Variants in HSDL2 observed in about 807,000 individuals in gnomAD.
HSDL2 encodes the protein hydroxysteroid dehydrogenase like 2, also known as hydroxysteroid dehydrogenase-like protein 2.
Under a neutral mutation model 46.3 loss-of-function variants are expected in HSDL2, and 27 were observed. That is an observed-to-expected ratio of 0.58 (90% CI 0.43 to 0.80). HSDL2 has a LOEUF of 0.80. HSDL2 is among the 30% of genes least tolerant of loss of function. HSDL2 has a pLI of 0.00. For missense variants in HSDL2, 451 were observed against 502.7 expected (o/e 0.90, Z 0.98); for synonymous variants, 153 against 163.6 (o/e 0.94, Z 0.50).
chr9:112,459,203 C>A (rs143285138), intron 9 of HSDL2, among the ~76,000 whole-genome samples: 1 of 152,112 alleles, frequency 6.6e-6, no homozygotes, highest in Non-Finnish European at 1.5e-5. Context: ...TTAATGTGCT[C>A]CCACATCACC....
intron 1 of HSDL2, among the ~76,000 whole-genome samples, chr9:112,385,198 A>T (rs1393796242): frequency 6.6e-6 from 1 of 152,230 alleles, no homozygotes; most frequent in African/African-American, 2.4e-5. Flanking sequence ...TCACATACAT[A>T]GAGTGTTTTA....
chr9:112,403,961 G>A lies in HSDL2; in HGVS notation c.18-34G>A, dbSNP rs771754928. The A allele has an allele frequency of 8.2e-6, 13 of 1,590,546 alleles. No homozygotes were observed. The South Asian group carries it at 1.5e-4, about 18-fold the overall frequency. On this transcript the variant is annotated intron_variant, in intron 1 of 10. Coordinates refer to ENST00000398805, the MANE Select transcript of HSDL2 (RefSeq NM_032303.5). ...TACCTGTCAGTAAATAAAACATTGGGTCTTCTAATAAGGTCGTATTTGTTC... is the reference window on the plus strand; with the variant it reads ...TACCTGTCAGTAAATAAAACATTGGATCTTCTAATAAGGTCGTATTTGTTC...
chr9:112,410,964 G>T (rs1365238779), intron 4 of HSDL2, among the ~76,000 whole-genome samples: 8 of 152,140 alleles, frequency 5.3e-5, no homozygotes, highest in Non-Finnish European at 8.8e-5. Context: ...GAAAAAATTA[G>T]AAGATTTATA....
intron 4 of HSDL2, among the ~76,000 whole-genome samples, chr9:112,416,105 CA>C (rs35263826): frequency 0.31 from 41,306 of 131,860 alleles, 5,881 homozygotes; most frequent in Middle Eastern, 0.43. Flanking sequence ...GACTCCGTCT[CA>C]AAAAAAAAAA....
At chr9:112,467,878 T>G (rs1225052623) in intron 10 of HSDL2, among the ~76,000 whole-genome samples, 1 of 152,196 alleles carries the variant, frequency 6.6e-6, no homozygotes, top group Non-Finnish European at 1.5e-5. Context: ...TCCTAGAAAT[T>G]TAACTCTCTC....
In HSDL2 at chr9:112,463,064, G is replaced by A. The variant is rs182889572; in HGVS notation, c.1144+3487G>A. Among the ~76,000 whole-genome samples, 10 of 152,196 alleles carry A rather than the reference G, an allele frequency of 6.6e-5. No individual in the cohort carries two copies. In the East Asian group the frequency reaches 1.9e-3, roughly 29 times the overall value. On this transcript the variant is annotated intron_variant, in intron 10 of 10. Coordinates refer to ENST00000398805, the MANE Select transcript of HSDL2 (RefSeq NM_032303.5). ...TTTTATTGCTGAATAGTATTCCATT[G>A]TATGGATATACCACATGTTGTTTAT...
chr9:112,418,754 TATATC>T (rs1188445542), intron 5 of HSDL2, 101 bp from the exon 6 acceptor site: 4 of 487,554 alleles, frequency 8.2e-6, no homozygotes, highest in Non-Finnish European at 1.5e-5. Context: ...CATGCACACA[TATATC>T]AGGAAGAAAA....
chr9:112,440,157 GAC>G (rs1045006810), intron 7 of HSDL2, among the ~76,000 whole-genome samples: 8 of 152,104 alleles, frequency 5.3e-5, no homozygotes, highest in African/African-American at 1.9e-4. Flanking sequence ...AGGTTTTAAA[GAC>G]ACAGTGTAAT....
intron 10 of HSDL2, among the ~76,000 whole-genome samples, chr9:112,463,950 C>T (rs1162036673): frequency 6.6e-6 from 1 of 152,116 alleles, no homozygotes; most frequent in Non-Finnish European, 1.5e-5. Flanking sequence ...CATGAGCCAC[C>T]GTGCCCAGCC....
At chr9:112,431,852 A>G (rs1209165973) in intron 6 of HSDL2, among the ~76,000 whole-genome samples, 2 of 146,788 alleles carry the variant, frequency 1.4e-5, no homozygotes, top group Non-Finnish European at 3.0e-5. Flanking sequence ...TTTATAAATT[A>G]CCCAGTCTCA....
rs1833579291 is a variant in HSDL2, at chr9:112,471,672, ATAAAT to A, written c.*1132_*1136del. ...GTAAGACCCTATCTCTACCCCCCTA[ATAAAT>A]TAATTTAAAAAGCCCCCCAATCTGT... is the stretch of plus-strand genomic sequence containing the variant. On this transcript the variant is annotated 3_prime_UTR_variant, in exon 11 of 11. Transcript: ENST00000398805. The A allele has an allele frequency of 6.6e-6, 1 of 152,174 alleles. No homozygotes were observed. Among genetic ancestry groups the A allele is most frequent in the Admixed American group, 6.6e-5 (1 of 15,264 alleles). The allele number at this position is 152,174 out of a possible 1,614,324, so 9.4% of individuals were successfully genotyped here.
At chr9:112,402,442 C>T (rs1349921491) in intron 1 of HSDL2, among the ~76,000 whole-genome samples, 2 of 151,822 alleles carry the variant, frequency 1.3e-5, no homozygotes, top group South Asian at 4.2e-4. Context: ...CCTGTAGTCC[C>T]AGCTACTTGT....
intron 6 of HSDL2, among the ~76,000 whole-genome samples, chr9:112,425,773 G>A (rs1304187908): frequency 6.6e-6 from 1 of 152,098 alleles, no homozygotes; most frequent in Non-Finnish European, 1.5e-5. Flanking sequence ...TGTTACCCAG[G>A]CTGGAGTGCA....
intron 8 of HSDL2, among the ~76,000 whole-genome samples, chr9:112,446,029 T>C (rs1040264487): frequency 3.3e-5 from 5 of 152,208 alleles, no homozygotes; most frequent in African/African-American, 9.6e-5. Flanking sequence ...GTAGGTTTCA[T>C]GGTAAATTAG....
chr9:112,386,245 T>A (rs1182917741), intron 1 of HSDL2, among the ~76,000 whole-genome samples: 3 of 152,190 alleles, frequency 2.0e-5, no homozygotes, highest in African/African-American at 7.2e-5. Flanking sequence ...TATCTTTGAT[T>A]TTCCTATTTT....
chr9:112,393,066 C>A (rs909975559), intron 1 of HSDL2, among the ~76,000 whole-genome samples: 1 of 152,220 alleles, frequency 6.6e-6, no homozygotes, highest in South Asian at 2.1e-4. Context: ...ACGCAGGATT[C>A]GTTGACTGGT....
chr9:112,398,166 C>T (rs965072956), intron 1 of HSDL2, among the ~76,000 whole-genome samples: 2 of 151,954 alleles, frequency 1.3e-5, no homozygotes, highest in African/African-American at 2.4e-5. Flanking sequence ...ATTATTGGCT[C>T]AATCCTGTGC....
chr9:112,390,441 T>C (rs1831314997), intron 1 of HSDL2, among the ~76,000 whole-genome samples: 1 of 152,158 alleles, frequency 6.6e-6, no homozygotes, highest in Non-Finnish European at 1.5e-5. Flanking sequence ...TCCAGGTAGA[T>C]TAAAGACCAA....
At position 112,405,851 on chromosome 9, in the gene HSDL2, C is replaced by T. The variant is rs1242259415; in HGVS notation, c.280+129C>T. The T allele has an allele frequency of 6.4e-6, 4 of 622,278 alleles. No homozygotes were observed. In the East Asian group the frequency reaches 1.2e-4, roughly 18 times the overall value. The allele number at this position is 622,278 out of a possible 1,614,324, so 38.5% of individuals were successfully genotyped here. A position where few individuals can be genotyped will look rare whatever the true frequency, so the allele number is the denominator to read the frequency against. ...TTGGAGAAATACGTATTTGCTCACA[C>T]AGAACATGATTTAAAACCATCTGAT... On this transcript the variant is annotated intron_variant, in intron 3 of 10. Coordinates refer to ENST00000398805, the MANE Select transcript of HSDL2 (RefSeq NM_032303.5).
Sources: allele counts gnomAD v4.1 joint callset (sites outside exome capture counted in the v4.1 genomes callset), GRCh38; gene constraint gnomAD v4.1.1; transcripts MANE v1.5; gene names NCBI Gene and HGNC (gene_info 2026-07-23, HGNC 2026-07-21).